The following ANAPC2 variants were observed in gnomAD, a reference collection of about 807,000 sequenced individuals.
The protein encoded by ANAPC2 is anaphase-promoting complex subunit 2.
ANAPC2 carries 29 observed loss-of-function variants against 84.3 expected under a neutral mutation model. That is an observed-to-expected ratio of 0.34 (90% CI 0.26 to 0.47). The LOEUF is 0.47. ANAPC2 is among the 20% of genes least tolerant of loss of function. ANAPC2 has a pLI of 1.00. For synonymous variants in ANAPC2, 571 were observed against 479.4 expected (o/e 1.19, Z -2.50); for missense variants, 857 against 1,131.7 (o/e 0.76, Z 3.48).
intron 1 of ANAPC2, 29 bp downstream of exon 1, chr9:137,188,386 CG>C (rs773856619): frequency 1.9e-5 from 30 of 1,589,610 alleles, no homozygotes; most frequent in Non-Finnish European, 2.4e-5. Context: ...AAACTCCGCG[CG>C]GGGCCGCCCC....
chr9:137,175,252 C>T lies in ANAPC2; in HGVS notation c.2241G>A (p.Lys747=), dbSNP rs1834183311. The T allele has an allele frequency of 6.2e-7, 1 of 1,612,388 alleles. No homozygotes were observed. Among genetic ancestry groups the T allele is most frequent in the Non-Finnish European group, 8.5e-7 (1 of 1,179,762 alleles). Reference sequence around the variant, plus strand: ...GCACGCGCACCAGCAGCTCCTCCTCCTTCTGGTCGGCCTGGGAGGCCATGC... The same window carrying T: ...GCACGCGCACCAGCAGCTCCTCCTCTTTCTGGTCGGCCTGGGAGGCCATGC... ...DSGMASQADQ[K]EEELLLFWTY... is the part of the protein sequence containing the mutation. Residue 747 remains lysine, a synonymous_variant, in exon 12 of 13, where the codon AAG becomes AAA. Coordinates refer to ENST00000323927, the MANE Select transcript of ANAPC2 (RefSeq NM_013366.4).
chr9:137,182,218 A>G lies in ANAPC2; in HGVS notation c.1287-356T>C, dbSNP rs58268019. Among the ~76,000 whole-genome samples the G allele has an allele frequency of 8.1e-3, 1,232 of 152,282 alleles. 6 individuals are homozygous for G. Among genetic ancestry groups the G allele is most frequent in the South Asian group, 0.018 (85 of 4,818 alleles). ...AGCCTGCCTCAAAAAAAAGAAAAAG[A>G]AAAAGAAAAAAGGGCCGGGCACGGT... On this transcript the variant is annotated intron_variant, in intron 6 of 12. Coordinates refer to ENST00000323927, the MANE Select transcript of ANAPC2 (RefSeq NM_013366.4).
chr9:137,186,127 C>T, intron 3 of ANAPC2, 97 bp downstream of exon 3: 1 of 1,540,044 alleles, frequency 6.5e-7, no homozygotes, highest in Non-Finnish European at 8.8e-7. Flanking sequence ...CCACCCAGGC[C>T]TCCGTGCTCT....
At chr9:137,183,859 T>C (rs1332182408) in intron 4 of ANAPC2, 68 bp from the exon 5 acceptor site, 2 of 1,576,146 alleles carry the variant, frequency 1.3e-6, no homozygotes, top group East Asian at 2.3e-5. Flanking sequence ...TGGTGCAGAG[T>C]GTGTGCGGTG....
chr9:137,186,540 G>T (rs916809975), intron 2 of ANAPC2, 184 bp from the exon 3 acceptor site: 34 of 836,698 alleles, frequency 4.1e-5, no homozygotes, highest in Non-Finnish European at 5.6e-5. Flanking sequence ...GCTTCAAGAA[G>T]CCACTGGGAG....
At position 137,175,843 on chromosome 9, in the gene ANAPC2, G is replaced by T; in HGVS notation, c.1891-6C>A. The T allele has an allele frequency of 6.2e-7, 1 of 1,601,192 alleles. No homozygotes were observed. Among genetic ancestry groups the T allele is most frequent in the Non-Finnish European group, 8.5e-7 (1 of 1,173,924 alleles). On this transcript the variant is annotated splice_region_variant and splice_polypyrimidine_tract_variant and intron_variant, in intron 10 of 12. Transcript: ENST00000323927. ...CAACTGAGGGTCCGCATGGCCTAAG[G>T]AGGGCCAGGGTCAGCACGGGCAGCT...
chr9:137,181,470 G>A (rs946921511), intron 7 of ANAPC2, among the ~76,000 whole-genome samples: 2 of 152,226 alleles, frequency 1.3e-5, no homozygotes, highest in African/African-American at 2.4e-5. Flanking sequence ...CACGGCCAGA[G>A]TGACCAGCCA....
chr9:137,181,390 C>A (rs1198745467), intron 7 of ANAPC2, among the ~76,000 whole-genome samples: 2 of 152,228 alleles, frequency 1.3e-5, no homozygotes, highest in East Asian at 3.8e-4. Flanking sequence ...CATCTTCACT[C>A]CTCTGCCAGG....
intron 2 of ANAPC2, 101 bp from the exon 3 acceptor site, chr9:137,186,457 A>AGCACAC: frequency 7.1e-7 from 1 of 1,416,598 alleles, no homozygotes; most frequent in South Asian, 1.3e-5. Context: ...GAGTGCATGC[A>AGCACAC]GCACACACAC....
intron 8 of ANAPC2, 34 bp from the exon 9 acceptor site, chr9:137,180,561 A>AT (rs1276628490): frequency 6.2e-7 from 1 of 1,612,256 alleles, no homozygotes; most frequent in South Asian, 1.1e-5. Context: ...GGGGGTCGTG[A>AT]TGAGCCCCAG....
intron 5 of ANAPC2, 87 bp downstream of exon 5, chr9:137,183,585 G>C: frequency 6.6e-7 from 1 of 1,522,278 alleles, no homozygotes; most frequent in Non-Finnish European, 8.8e-7. Flanking sequence ...TCCAGGGCTG[G>C]CAGACTAGGC....
At chr9:137,176,099 G>A (rs1309007020) in intron 10 of ANAPC2, 1 of 417,218 alleles carries the variant, frequency 2.4e-6, no homozygotes, top group Admixed American at 4.1e-5. Flanking sequence ...TTGGAAATGT[G>A]GCCATATTTG....
chr9:137,186,858 C>G (rs918035157), intron 2 of ANAPC2: 1 of 164,864 alleles, frequency 6.1e-6, no homozygotes. Flanking sequence ...TTCACGGTCT[C>G]CCTGACCCCT....
At chr9:137,183,629 T>A in intron 5 of ANAPC2, 43 bp downstream of exon 5, 5 of 1,583,594 alleles carry the variant, frequency 3.2e-6, no homozygotes, top group Non-Finnish European at 4.3e-6. Flanking sequence ...CCCTGGTGAG[T>A]GTCTAAGCCC....
intron 2 of ANAPC2, 177 bp downstream of exon 2, chr9:137,187,304 C>T: frequency 1.3e-6 from 1 of 788,676 alleles, no homozygotes; most frequent in East Asian, 2.7e-5. Flanking sequence ...AGGTGAGTGA[C>T]AGAAGAGAGA....
Position 137,184,920 on chromosome 9 carries a change from G to A in ANAPC2, c.1041C>T (p.Ile347=), listed in dbSNP as rs770478992. The change falls in exon 4 of 13, where the codon ATC becomes ATT. Residue 347 remains isoleucine (I), a synonymous_variant. Transcript: ENST00000323927. The part of the protein sequence containing the change: ...ASLRIEELFS[I]VRDFPDSRPA... Reference sequence around the variant, plus strand: ...GGGCCGGGGCAGGACCACCTCGGACGATGCTGAAGAGCTCCTCGATGCGCA... The same window carrying A: ...GGGCCGGGGCAGGACCACCTCGGACAATGCTGAAGAGCTCCTCGATGCGCA... 9.9e-6 allele frequency: 16 copies of A among 1,612,420 alleles called. No homozygotes were observed. Among genetic ancestry groups the A allele is most frequent in the African/African-American group, 2.7e-5 (2 of 74,894 alleles).
chr9:137,178,883 C>T (rs972792329), intron 10 of ANAPC2, among the ~76,000 whole-genome samples: 6 of 152,216 alleles, frequency 3.9e-5, no homozygotes, highest in Non-Finnish European at 7.3e-5. Context: ...TGTCTGTCTC[C>T]GGAAGGAAGC....
rs186490734 is a variant in ANAPC2, at chr9:137,186,322, C to T, written c.775G>A (p.Glu259Lys). The stretch of plus-strand genomic sequence containing the variant: ...TGGTGCAGGGTGGTGGTCACAGCCT[C>T]GGCACTGACCCGCTCCAGCAGACTG... ...RLSLLERVSA[E>K]AVTTTLHQVT... is the part of the protein sequence containing the mutation. The change falls in exon 3 of 13, where the codon GAG (glutamate) becomes AAG (lysine). Residue 259 changes from glutamate (E) to lysine (K), a missense_variant. Transcript: ENST00000323927. 2.5e-5 allele frequency: 41 copies of T among 1,610,446 alleles called. No homozygotes were observed. The highest frequency in any genetic ancestry group is 1.3e-4 in the East Asian group (6 of 44,800).
In ANAPC2 at chr9:137,175,435, C is replaced by G. The variant is rs375108215; in HGVS notation, c.2058G>C (p.Lys686Asn). 8.5e-5 allele frequency: 136 copies of G among 1,598,698 alleles called. No individual in the cohort carries two copies. The highest frequency in any genetic ancestry group is 2.1e-4 in the South Asian group (19 of 89,126). Residue 686 changes from lysine to asparagine, a missense_variant, in exon 12 of 13, where the codon AAG (lysine) becomes AAC (asparagine). Physicochemically the swap from Lys to Asn is moderately conservative, Grantham distance 94. Around this residue, in one of 3 missense-constraint regions of ANAPC2, gnomAD observed 425 missense variants for 595.5 expected, o/e 0.71. Transcript: ENST00000323927. ...GCCGCCGCAGCAGCGCCACGGGCAT[C>G]TTCACCGCCTTGCTCAGTTCCTCCA... Reference protein sequence around the residue: ...WTLEELSKAVKMPVALLRRRM... With the variant: ...WTLEELSKAVNMPVALLRRRM...
Sources: gnomAD v4.1 joint callset for allele counts (sites outside exome capture counted in the v4.1 genomes callset) on GRCh38, gnomAD v4.1.1 for gene constraint, gnomAD v4.1.1 regional missense constraint, MANE v1.5 for transcripts, NCBI Gene and HGNC (gene_info 2026-07-23, HGNC 2026-07-21) for gene names.